Variants in MRPS15 observed in about 807,000 individuals in gnomAD.
The protein encoded by MRPS15 is small ribosomal subunit protein uS15m.
A neutral mutation model predicts 30.7 loss-of-function variants in MRPS15; 25 were observed. The observed-to-expected ratio is 0.81, with a 90% CI of 0.59 to 1.14. The LOEUF (loss-of-function observed/expected upper bound fraction) is 1.14. Among genes scored for constraint, MRPS15 ranks in the 50% most tolerant of loss-of-function variants. The pLI is 0.00. For synonymous variants in MRPS15, 124 were observed against 120.1 expected, an observed-to-expected ratio of 1.03 and a Z score of -0.21; for missense variants, 313 against 321.7, an observed-to-expected ratio of 0.97 and a Z score of 0.21.
chr1:36,462,217 C>T (rs1650113035), intron 2 of MRPS15, 54 bp from the exon 3 acceptor site: 2 of 1,361,850 alleles, frequency 1.5e-6, no homozygotes, highest in South Asian at 1.2e-5. Flanking sequence ...TCGCTGCCCA[C>T]CCTCCCAGAC....
At chr1:36,463,526 T>C (rs947887376) in intron 2 of MRPS15, among the ~76,000 whole-genome samples, 9 of 152,336 alleles carry the variant, frequency 5.9e-5, no homozygotes, top group Non-Finnish European at 7.3e-5. Context: ...CAAAGTGCCA[T>C]ACTCTAGGTA....
chr1:36,464,074 G>GAGC, intron 1 of MRPS15, 72 bp downstream of exon 1: 1 of 1,579,910 alleles, frequency 6.3e-7, no homozygotes, highest in Non-Finnish European at 8.6e-7. Context: ...CCCTACTCCT[G>GAGC]TGCTTCCTTA....
intron 5 of MRPS15, chr1:36,459,652 A>G (rs1232512464): frequency 6.6e-6 from 1 of 152,286 alleles, no homozygotes; most frequent in Non-Finnish European, 1.5e-5. Flanking sequence ...CCAGTTCTCA[A>G]TGGGGTTTTA....
In MRPS15 at chr1:36,463,819, G is replaced by T; in HGVS notation, c.162C>A (p.Val54=). ...AGGAACTCCTACCTGGTTTCCGGAC[G>T]ACATATCCGCGCGCGGCCTGGAGGA... ...SLLLQAARGY[V]VRKPAQSRLD... is the part of the protein sequence containing the mutation. The change falls in exon 2 of 8, where the codon GTC becomes GTA. Residue 54 remains valine, a synonymous_variant. Transcript: ENST00000373116. The T allele has an allele frequency of 6.2e-7, 1 of 1,612,452 alleles. No individual in the cohort carries two copies. The highest frequency in any genetic ancestry group is 1.3e-5 in the African/African-American group (1 of 74,922).
At chr1:36,460,658 C>T (rs1650076840) in intron 5 of MRPS15, 34 bp downstream of exon 5, 9 of 1,556,568 alleles carry the variant, frequency 5.8e-6, no homozygotes, top group African/African-American at 5.4e-5. Context: ...GCAGGCTTCC[C>T]TACACCCCCA....
chr1:36,457,093 G>A (rs1380020777), intron 6 of MRPS15, among the ~76,000 whole-genome samples: 3 of 151,982 alleles, frequency 2.0e-5, no homozygotes, highest in Admixed American at 6.6e-5. Flanking sequence ...TGGCTAACAC[G>A]GTGAAACCCT....
intron 2 of MRPS15, 32 bp downstream of exon 2, chr1:36,463,774 T>C (rs747990647): frequency 3.1e-6 from 5 of 1,601,732 alleles, no homozygotes; most frequent in Non-Finnish European, 4.3e-6. Flanking sequence ...AGGTCTCTCT[T>C]CCGCCCCAAG....
intron 2 of MRPS15, among the ~76,000 whole-genome samples, chr1:36,463,006 C>T (rs1216358460): frequency 6.6e-6 from 1 of 151,974 alleles, no homozygotes; most frequent in African/African-American, 2.4e-5. Flanking sequence ...GCTCTGTCAC[C>T]CAGGCTGGAG....
chr1:36,457,225 G>A (rs59024564), intron 6 of MRPS15, among the ~76,000 whole-genome samples: 15,759 of 151,400 alleles, frequency 0.1, 967 homozygotes, highest in East Asian at 0.29. Context: ...GCAGTGAGCC[G>A]AGATCGCACC....
intron 3 of MRPS15, among the ~76,000 whole-genome samples, chr1:36,461,655 C>G (rs1224346847): frequency 6.6e-6 from 1 of 152,230 alleles, no homozygotes; most frequent in African/African-American, 2.4e-5. Context: ...TCCCACCACA[C>G]TGCATAGGAG....
chr1:36,461,816 C>T (rs1484563705), intron 3 of MRPS15, among the ~76,000 whole-genome samples: 2 of 152,088 alleles, frequency 1.3e-5, no homozygotes, highest in Non-Finnish European at 1.5e-5. Context: ...GAGATTTCTA[C>T]AAAGACCTGT....
intron 1 of MRPS15, 29 bp from the exon 2 acceptor site, chr1:36,463,879 A>T (rs1179124751): frequency 1.2e-6 from 2 of 1,601,012 alleles, no homozygotes; most frequent in African/African-American, 2.7e-5. Flanking sequence ...GCTGAGGACC[A>T]TCTCCTTAAA....
chr1:36,462,090 CT>C lies in MRPS15; in HGVS notation c.248del (p.Glu83GlyfsTer7), dbSNP rs1453197069. On this transcript the variant is annotated frameshift_variant, in exon 3 of 8. Coordinates refer to ENST00000373116, the MANE Select transcript of MRPS15 (RefSeq NM_031280.4). LOFTEE classifies it high-confidence loss of function. ...LKDYQNVPGIEKVDDVVKRLL... is the reference protein window; with the variant it reads ...LKDYQNVPGIXKVDDVVKRLL... ...CTACTAGGTTTCTTCCTGCTTACTT[CT>C]CAATTCCAGGGACATTCTGGTAGTC... 6.8e-6 allele frequency: 11 copies of C among 1,612,862 alleles called. No homozygotes were observed. The Admixed American group carries it at 1.5e-4, about 22-fold the overall frequency.
chr1:36,457,372 G>C (rs1374347244), intron 6 of MRPS15, among the ~76,000 whole-genome samples: 6 of 151,928 alleles, frequency 3.9e-5, no homozygotes, highest in African/African-American at 1.2e-4. Flanking sequence ...ATGCCTTAAG[G>C]AATAACTTAA....
intron 6 of MRPS15, 109 bp downstream of exon 6, chr1:36,457,814 C>A: frequency 1.9e-6 from 2 of 1,033,464 alleles, no homozygotes; most frequent in Non-Finnish European, 3.0e-6. Flanking sequence ...AGGAGGGAAG[C>A]ATTTTCAGTG....
chr1:36,463,464 G>A (rs1289448704), intron 2 of MRPS15, among the ~76,000 whole-genome samples: 1 of 152,184 alleles, frequency 6.6e-6, no homozygotes, highest in Non-Finnish European at 1.5e-5. Flanking sequence ...TAACTACTAT[G>A]CATACTGAGT....
intron 5 of MRPS15, among the ~76,000 whole-genome samples, chr1:36,460,273 TG>T (rs1401317385): frequency 1.3e-5 from 2 of 152,230 alleles, no homozygotes; most frequent in African/African-American, 4.8e-5. Flanking sequence ...CCCAAAGTGC[TG>T]GGATTACAGG....
In MRPS15 at chr1:36,464,164, A is replaced by T; in HGVS notation, c.112T>A (p.Trp38Arg). The T allele has an allele frequency of 6.2e-7, 1 of 1,613,474 alleles. No homozygotes were observed. Among genetic ancestry groups the T allele is most frequent in the Non-Finnish European group, 8.5e-7 (1 of 1,179,868 alleles). Residue 38 changes from tryptophan to arginine, a missense_variant, in exon 1 of 8, where the codon TGG (tryptophan) becomes AGG (arginine). By Grantham distance (101) the Trp-to-Arg change is moderately radical (BLOSUM62 -3). Transcript: ENST00000373116. ...GGSAKFPFNQ[W>R]GLQPRSLLLQ... Reference sequence around the variant, plus strand: ...TCCTCACTTCGAGGCTGCAGGCCCCACTGGTTGAAAGGAAACTTGGCGCTC... The same window carrying T: ...TCCTCACTTCGAGGCTGCAGGCCCCTCTGGTTGAAAGGAAACTTGGCGCTC...
Position 36,463,857 on chromosome 1 carries a change from A to T in MRPS15, c.131-7T>A, listed in dbSNP as rs746057545. ...GCGGCCTGGAGGAGGAGACCTACGC[A>T]GAAAAGAGAGGGCTGAGGACCATCT... is the stretch of plus-strand genomic sequence containing the variant. On this transcript the variant is annotated splice_region_variant and splice_polypyrimidine_tract_variant and intron_variant, in intron 1 of 7. Transcript: ENST00000373116. 5.6e-6 allele frequency: 9 copies of T among 1,611,698 alleles called. No homozygotes were observed. The highest frequency in any genetic ancestry group is 7.6e-6 in the Non-Finnish European group (9 of 1,178,804).
Sources: gnomAD v4.1 joint callset for allele counts (sites outside exome capture counted in the v4.1 genomes callset) on GRCh38, gnomAD v4.1.1 for gene constraint, MANE v1.5 for transcripts, NCBI Gene and HGNC (gene_info 2026-07-23, HGNC 2026-07-21) for gene names.